The following EPHX1 variants were observed in gnomAD, a reference collection of about 807,000 sequenced individuals.
EPHX1 encodes the protein epoxide hydratase.
Under a neutral mutation model 43.2 loss-of-function variants are expected in EPHX1, and 40 were observed. That is an observed-to-expected ratio of 0.93 (90% confidence interval 0.72 to 1.21). The LOEUF is 1.21. EPHX1 is among the 50% of genes most tolerant of loss of function. EPHX1 has a pLI of 0.00. For synonymous variants in EPHX1, 221 were observed against 226.7 expected (o/e 0.98, Z 0.22); for missense variants, 550 against 570.4 (o/e 0.96, Z 0.36).
chr1:225,827,363 G>T (rs1011488272), intron 1 of EPHX1, among the ~76,000 whole-genome samples: 1 of 152,140 alleles, frequency 6.6e-6, no homozygotes. Context: ...TCTGACTCAG[G>T]CATAAGGACG....
intron 3 of EPHX1, among the ~76,000 whole-genome samples, chr1:225,835,322 G>A (rs532023386): frequency 5.3e-5 from 8 of 150,234 alleles, no homozygotes; most frequent in South Asian, 2.1e-4. Flanking sequence ...GAGCTCAAGC[G>A]ATCCTCCCAC....
intron 3 of EPHX1, 184 bp downstream of exon 3, chr1:225,832,143 T>C: frequency 1.5e-6 from 1 of 678,394 alleles, no homozygotes; most frequent in Non-Finnish European, 2.6e-6. Flanking sequence ...AATCTGTCCA[T>C]CTTTAGAGCT....
chr1:225,838,187 G>C (rs1668073543), intron 3 of EPHX1, among the ~76,000 whole-genome samples: 1 of 152,210 alleles, frequency 6.6e-6, no homozygotes, highest in African/African-American at 2.4e-5. Context: ...CATCTACCTT[G>C]TCAGTTTAGA....
At chr1:225,830,666 T>C (rs1404176722) in intron 2 of EPHX1, among the ~76,000 whole-genome samples, 3 of 152,192 alleles carry the variant, frequency 2.0e-5, no homozygotes, top group Non-Finnish European at 4.4e-5. Context: ...GGTTTCGCCA[T>C]GTTGGCCAGG....
At chr1:225,812,557 G>C (rs1005912243) in intron 1 of EPHX1, among the ~76,000 whole-genome samples, 3 of 152,202 alleles carry the variant, frequency 2.0e-5, no homozygotes, top group Non-Finnish European at 4.4e-5. Flanking sequence ...AGGGAGCCCA[G>C]GTTCACCAAT....
chr1:225,829,010 C>T (rs1667426504), intron 2 of EPHX1, 98 bp downstream of exon 2: 1 of 1,364,780 alleles, frequency 7.3e-7, no homozygotes, highest in East Asian at 2.5e-5. Context: ...GGGACGGGGG[C>T]TTGGGAATGG....
intron 1 of EPHX1, among the ~76,000 whole-genome samples, chr1:225,814,665 T>C (rs1666638575): frequency 6.6e-6 from 1 of 152,200 alleles, no homozygotes; most frequent in Non-Finnish European, 1.5e-5. Context: ...CAGAGAGCCA[T>C]GCCGTGAGAG....
At chr1:225,845,106 G>A (rs372085513) in intron 8 of EPHX1, 40 bp from the exon 9 acceptor site, 4 of 1,607,116 alleles carry the variant, frequency 2.5e-6, no homozygotes, top group Admixed American at 1.7e-5. Flanking sequence ...AGGGGCGCAG[G>A]GCCACAGCCT....
intron 1 of EPHX1, among the ~76,000 whole-genome samples, chr1:225,814,387 A>T (rs1666623922): frequency 6.6e-6 from 1 of 152,218 alleles, no homozygotes; most frequent in Non-Finnish European, 1.5e-5. Context: ...TTAAAAAGAA[A>T]AACTACCTCT....
At position 225,817,241 on chromosome 1, in the gene EPHX1, C is replaced by T. The variant is rs1666766533; in HGVS notation, c.-6+7072C>T. On this transcript the variant is annotated intron_variant, in intron 1 of 8. Coordinates refer to ENST00000272167, the MANE Select transcript of EPHX1 (RefSeq NM_001136018.4). The surrounding 1 kb of genome is among the most constrained non-coding windows in gnomAD (Gnocchi z 5.7). ...CTGAGGGAGAAGCTGGGAGTTCCCC[C>T]CAGGGTTTGCCTCCGTCACTCTTGG... Among the ~76,000 whole-genome samples the T allele has an allele frequency of 6.6e-6, 1 of 152,160 alleles. No individual in the cohort carries two copies. The highest frequency in any genetic ancestry group is 2.4e-5 in the African/African-American group (1 of 41,436).
At chr1:225,814,279 A>G (rs1451940826) in intron 1 of EPHX1, among the ~76,000 whole-genome samples, 5 of 152,136 alleles carry the variant, frequency 3.3e-5, no homozygotes, top group Non-Finnish European at 7.4e-5. Context: ...CACACCTGTA[A>G]TCCCAGCACT....
chr1:225,826,573 C>A (rs552378130), intron 1 of EPHX1, among the ~76,000 whole-genome samples: 1 of 151,394 alleles, frequency 6.6e-6, no homozygotes, highest in East Asian at 2.0e-4. Flanking sequence ...ACATGGTAGA[C>A]TGAGTAAATG....
intron 1 of EPHX1, among the ~76,000 whole-genome samples, chr1:225,827,906 TC>T (rs1294941560): frequency 4.5e-5 from 2 of 44,794 alleles, no homozygotes; most frequent in Non-Finnish European, 8.2e-5. Context: ...CACTTGGGCC[TC>T]CCCATTACCC....
intron 2 of EPHX1, 139 bp downstream of exon 2, chr1:225,829,051 GCTTTT>G: frequency 9.4e-7 from 1 of 1,060,282 alleles, no homozygotes; most frequent in South Asian, 1.5e-5. Context: ...GTTTCAGTCT[GCTTTT>G]CCTCTGCTGG....
At chr1:225,824,476 T>A (rs888637147) in intron 1 of EPHX1, among the ~76,000 whole-genome samples, 1 of 152,248 alleles carries the variant, frequency 6.6e-6, no homozygotes, top group African/African-American at 2.4e-5. Context: ...TCAAGTTTGA[T>A]GAGTTGTGGC....
chr1:225,815,150 C>T (rs1341464464), intron 1 of EPHX1, among the ~76,000 whole-genome samples: 3 of 84,334 alleles, frequency 3.6e-5, no homozygotes, highest in African/African-American at 3.4e-5. Flanking sequence ...TGCCCTCTTC[C>T]GGTTCCATGT....
chr1:225,843,608 C>G (rs1255170731), intron 7 of EPHX1, among the ~76,000 whole-genome samples: 1 of 152,198 alleles, frequency 6.6e-6, no homozygotes, highest in African/African-American at 2.4e-5. Flanking sequence ...ACCAGACTAT[C>G]CCACTAGGCC....
rs1666854697 is a variant in EPHX1, at chr1:225,818,999, G to A, written c.-6+8830G>A. Among the ~76,000 whole-genome samples, 5 of 150,810 alleles carry A rather than the reference G, an allele frequency of 3.3e-5. No individual in the cohort carries two copies. The South Asian group carries it at 1.1e-3, about 32-fold the overall frequency. Reference sequence around the variant, plus strand: ...TCCCAGCACTTTGGGAGGCGGAGGCGGGCGGATCACGAGGTCAGGAGATTG... The same window carrying A: ...TCCCAGCACTTTGGGAGGCGGAGGCAGGCGGATCACGAGGTCAGGAGATTG... On this transcript the variant is annotated intron_variant, in intron 1 of 8. Coordinates refer to ENST00000272167, the MANE Select transcript of EPHX1 (RefSeq NM_001136018.4).
rs1393160398 is a variant in EPHX1, at chr1:225,828,870, C to T, written c.141C>T (p.Ser47=). 2 of 1,603,242 alleles carry T rather than the reference C, an allele frequency of 1.2e-6. No individual in the cohort carries two copies. The highest frequency in any genetic ancestry group is 1.7e-4 in the Middle Eastern group (1 of 5,974). ...GGTCCGCAGCCAGGGAGGACGACAG[C>T]ATCCGCCCTTTCAAGGTGGAAACGT... The part of the protein sequence containing the change: ...GTRSAAREDD[S]IRPFKVETSD... Residue 47 remains serine (S), a synonymous_variant, in exon 2 of 9, where the codon AGC becomes AGT. Transcript: ENST00000272167.
Sources: gnomAD v4.1 joint callset for allele counts (sites outside exome capture counted in the v4.1 genomes callset) on GRCh38, gnomAD v4.1.1 for gene constraint, Gnocchi (gnomAD v3.1) non-coding constraint, MANE v1.5 for transcripts, NCBI Gene and HGNC (gene_info 2026-07-23, HGNC 2026-07-21) for gene names.